ARIH1: variants seen among roughly 807,000 people sequenced by gnomAD.
The protein encoded by ARIH1 is ariadne RBR E3 ubiquitin protein ligase 1.
In ARIH1, 8 loss-of-function variants were observed where a neutral mutation model predicts 85.0. The observed-to-expected ratio is 0.09, with a 90% CI of 0.06 to 0.17. ARIH1 has a LOEUF of 0.17. ARIH1 is among the 10% of genes least tolerant of loss of function. ARIH1 has a pLI of 1.00. For missense variants in ARIH1, 311 were observed against 718.1 expected, an observed-to-expected ratio of 0.43 and a Z score of 6.48; for synonymous variants, 238 against 253.6, an observed-to-expected ratio of 0.94 and a Z score of 0.59.
At chr15:72,524,262 A>C (rs995047818) in intron 2 of ARIH1, among the ~76,000 whole-genome samples, 1 of 81,314 alleles carries the variant, frequency 1.2e-5, no homozygotes, top group Non-Finnish European at 2.4e-5. Context: ...TTTTTTTTTG[A>C]GATGGATGGA....
At chr15:72,493,830 A>C (rs1032086285) in intron 1 of ARIH1, among the ~76,000 whole-genome samples, 1 of 152,164 alleles carries the variant, frequency 6.6e-6, no homozygotes, top group Non-Finnish European at 1.5e-5. Context: ...AAGTTAAAAC[A>C]GTCTTAGTAT....
chr15:72,481,996 C>A (rs1445128693), intron 1 of ARIH1, among the ~76,000 whole-genome samples: 1 of 152,040 alleles, frequency 6.6e-6, no homozygotes, highest in African/African-American at 2.4e-5. Flanking sequence ...ACCACTACGC[C>A]CGGCTAATTT....
At position 72,583,439 on chromosome 15, in the gene ARIH1, T is replaced by C. The variant is rs967195032; in HGVS notation, c.*147T>C. 1.8e-6 allele frequency: 1 copy of C among 545,700 alleles called. No homozygotes were observed. The highest frequency in any genetic ancestry group is 1.9e-5 in the African/African-American group (1 of 53,286). The allele number at this position is 545,700 out of a possible 1,614,324, so 33.8% of individuals were successfully genotyped here. On this transcript the variant is annotated 3_prime_UTR_variant, in exon 14 of 14. Transcript: ENST00000379887. Reference sequence around the variant, plus strand: ...CCAGAATTGTTTTGTTAATGGAAAGTTTAAGTAAATTATATTGTAATAAAA... The same window carrying C: ...CCAGAATTGTTTTGTTAATGGAAAGCTTAAGTAAATTATATTGTAATAAAA...
chr15:72,579,199 C>G (rs1464075679), intron 11 of ARIH1, among the ~76,000 whole-genome samples: 1 of 151,024 alleles, frequency 6.6e-6, no homozygotes, highest in African/African-American at 2.4e-5. Flanking sequence ...CTTCCCCCCT[C>G]CTTGCTTTTT....
chr15:72,510,375 T>C (rs970674896), intron 1 of ARIH1, among the ~76,000 whole-genome samples: 5 of 152,150 alleles, frequency 3.3e-5, no homozygotes, highest in South Asian at 2.1e-4. Flanking sequence ...GTCACAAACA[T>C]TTTCTTTAAG....
chr15:72,541,322 A>C (rs1202547870), intron 2 of ARIH1, among the ~76,000 whole-genome samples: 1 of 152,196 alleles, frequency 6.6e-6, no homozygotes, highest in African/African-American at 2.4e-5. Context: ...AAAGAACTTG[A>C]AATACCTGAG....
intron 1 of ARIH1, among the ~76,000 whole-genome samples, chr15:72,492,052 A>G (rs545874797): frequency 6.6e-6 from 1 of 152,298 alleles, no homozygotes; most frequent in South Asian, 2.1e-4. Flanking sequence ...AGTGGAATAG[A>G]GTCAGAAGTC....
In ARIH1 at chr15:72,476,044, A is replaced by G. The variant is rs375090561; in HGVS notation, c.375+1030A>G. Among the ~76,000 whole-genome samples, 9 of 152,228 alleles carry G rather than the reference A, an allele frequency of 5.9e-5. No homozygotes were observed. The East Asian group carries it at 9.6e-4, about 16-fold the overall frequency. ...GCAATTTTTAGAAAACCTGGAAGGA[A>G]ACATATATGAGCAGCAAGTTACTAT... On this transcript the variant is annotated intron_variant, in intron 1 of 13. Transcript: ENST00000379887.
At chr15:72,528,647 A>G (rs1206025546) in intron 2 of ARIH1, among the ~76,000 whole-genome samples, 1 of 152,094 alleles carries the variant, frequency 6.6e-6, no homozygotes, top group South Asian at 2.1e-4. Context: ...TGAGCGTAGG[A>G]GTTTGAGACT....
chr15:72,555,990 A>C, intron 5 of ARIH1, 83 bp downstream of exon 5: 1 of 1,234,650 alleles, frequency 8.1e-7, no homozygotes, highest in Non-Finnish European at 1.2e-6. Flanking sequence ...CCTCAAAGGA[A>C]GTGAAACTTT....
chr15:72,495,811 G>A (rs1419497329), intron 1 of ARIH1, among the ~76,000 whole-genome samples: 1 of 152,062 alleles, frequency 6.6e-6, no homozygotes, highest in Admixed American at 6.6e-5. Context: ...TTGTTTTAAG[G>A]TTTGTTTTTT....
chr15:72,484,740 TATATATATGTGTGCATAC>T (rs1483969911), intron 1 of ARIH1, among the ~76,000 whole-genome samples: 3 of 147,262 alleles, frequency 2.0e-5, no homozygotes, highest in African/African-American at 5.0e-5. Flanking sequence ...TATATATGTA[TATATATATGTGTGCATAC>T]ATATATATGT....
chr15:72,547,259 T>A (rs1476837426), intron 3 of ARIH1, among the ~76,000 whole-genome samples: 1 of 149,956 alleles, frequency 6.7e-6, no homozygotes, highest in Non-Finnish European at 1.5e-5. Flanking sequence ...TTGACACGAG[T>A]TTTGCTCTTG....
chr15:72,583,736 A>G lies in ARIH1; in HGVS notation c.*444A>G, dbSNP rs1309868373. On this transcript the variant is annotated 3_prime_UTR_variant, in exon 14 of 14. Coordinates refer to ENST00000379887, the MANE Select transcript of ARIH1 (RefSeq NM_005744.5). ...CACATACAGATACACCCACACACAG[A>G]CTGACTCTCTTTCTCTCATACCCCA... The G allele has an allele frequency of 6.5e-6, 1 of 153,594 alleles. No homozygotes were observed. The highest frequency in any genetic ancestry group is 2.4e-5 in the African/African-American group (1 of 41,446). 9.5% of individuals were successfully genotyped at this position (153,594 alleles called of 1,614,324 possible). A position where few individuals can be genotyped will look rare whatever the true frequency, so the allele number is the denominator to read the frequency against.
In ARIH1 at chr15:72,577,835, G is replaced by GT. The variant is rs2064278652; in HGVS notation, c.1216-2895dup. ...TTCAGGAGATGCAGGCACACTTGGT[G>GT]TAACTTTACAGGAAAACCTTACGAA... On this transcript the variant is annotated intron_variant, in intron 11 of 13. Transcript: ENST00000379887. 2.0e-5 allele frequency among the ~76,000 whole-genome samples: 3 copies of GT among 152,282 alleles called. No individual in the cohort carries two copies. The South Asian group carries it at 6.2e-4, about 32-fold the overall frequency.
At position 72,600,940 on chromosome 15, in the gene ARIH1, A is replaced by C. The variant is rs1370851272; in HGVS notation, c.*17648A>C. ...TTTCAGGGAGATTTCACATATTGGG[A>C]AACAGCCTCATGAGCTTTCTACAAA... On this transcript the variant is annotated 3_prime_UTR_variant, in exon 14 of 14. Transcript: ENST00000379887. 2 of 152,298 alleles carry C rather than the reference A, an allele frequency of 1.3e-5. No homozygotes were observed. Among genetic ancestry groups the C allele is most frequent in the Middle Eastern group, 3.4e-3 (1 of 294 alleles). The allele number at this position is 152,298 out of a possible 1,614,324, so 9.4% of individuals were successfully genotyped here. A position where few individuals can be genotyped will look rare whatever the true frequency, so the allele number is the denominator to read the frequency against.
rs1313908901 is a variant in ARIH1, at chr15:72,586,338, A to G, written c.*3046A>G. The G allele has an allele frequency of 6.6e-6, 1 of 152,038 alleles. No individual in the cohort carries two copies. The highest frequency in any genetic ancestry group is 1.5e-5 in the Non-Finnish European group (1 of 67,980). 9.4% of individuals were successfully genotyped at this position (152,038 alleles called of 1,614,324 possible). A position where few individuals can be genotyped will look rare whatever the true frequency, so the allele number is the denominator to read the frequency against. On this transcript the variant is annotated 3_prime_UTR_variant, in exon 14 of 14. Transcript: ENST00000379887. ...ATGTAACAAATTATTTTAGCTACAAACCCCGGTAATAGAGCACTTGGGGGA... is the reference window on the plus strand; with the variant it reads ...ATGTAACAAATTATTTTAGCTACAAGCCCCGGTAATAGAGCACTTGGGGGA...
In ARIH1 at chr15:72,485,127, G is replaced by A. The variant is rs191636175; in HGVS notation, c.375+10113G>A. 1.6e-3 allele frequency among the ~76,000 whole-genome samples: 236 copies of A among 152,234 alleles called. 3 individuals are homozygous for A. The highest frequency in any genetic ancestry group is 2.4e-3 in the Non-Finnish European group (164 of 68,004). ...TTTTTTGATTATAGCCATTCTTGGC[G>A]TGACTGAAGTTGTATAGCATTGAAT... On this transcript the variant is annotated intron_variant, in intron 1 of 13. Coordinates refer to ENST00000379887, the MANE Select transcript of ARIH1 (RefSeq NM_005744.5).
intron 1 of ARIH1, among the ~76,000 whole-genome samples, chr15:72,480,526 G>T: frequency 6.6e-6 from 1 of 151,384 alleles, no homozygotes; most frequent in East Asian, 1.9e-4. Context: ...CTCCCAGAGT[G>T]TTGGGATTAT....
Sources: gnomAD v4.1 joint callset for allele counts (sites outside exome capture counted in the v4.1 genomes callset) on GRCh38, gnomAD v4.1.1 for gene constraint, MANE v1.5 for transcripts, NCBI Gene and HGNC (gene_info 2026-07-23, HGNC 2026-07-21) for gene names.